Variants in TUSC3 observed in about 807,000 individuals in gnomAD.
TUSC3 encodes dolichyl-diphosphooligosaccharide--protein glycosyltransferase subunit TUSC3.
Under a neutral mutation model 44.8 loss-of-function variants are expected in TUSC3, and 45 were observed. That is an observed-to-expected ratio of 1.00 (90% confidence interval 0.79 to 1.29). TUSC3 has a LOEUF of 1.29. TUSC3 is among the 50% of genes most tolerant of loss of function. The probability of loss-of-function intolerance (pLI) is 0.00; values close to 1 mark genes in which losing one functional copy is unlikely to be tolerated. For missense variants in TUSC3, 519 were observed against 437.9 expected (o/e 1.19, Z -1.65); for synonymous variants, 212 against 152.9 (o/e 1.39, Z -2.85).
chr8:15,847,443 A>T, the TUSC3 span, among the ~76,000 whole-genome samples: 2 of 152,134 alleles, frequency 1.3e-5, no homozygotes. Context: ...ATCCATTTAA[A>T]TAGCTGTCTC....
chr8:15,845,462 A>G, the TUSC3 span, among the ~76,000 whole-genome samples: 2 of 152,148 alleles, frequency 1.3e-5, no homozygotes, highest in Non-Finnish European at 2.9e-5. Flanking sequence ...ACATTAGATT[A>G]TTTCCGTTCC....
At chr8:15,668,787 C>T (rs1310605938) in intron 5 of TUSC3, among the ~76,000 whole-genome samples, 1 of 151,686 alleles carries the variant, frequency 6.6e-6, no homozygotes, top group East Asian at 1.9e-4. Context: ...CACTTTTGTC[C>T]TGAAGCCAGA....
At chr8:15,562,465 A>G (rs999040652) in intron 1 of TUSC3, among the ~76,000 whole-genome samples, 9 of 152,160 alleles carry the variant, frequency 5.9e-5, no homozygotes, top group Admixed American at 5.9e-4. Context: ...TGCATAAAAA[A>G]TTGCCACAAT....
chr8:15,564,525 A>C (rs1802593896), intron 1 of TUSC3, among the ~76,000 whole-genome samples: 1 of 152,164 alleles, frequency 6.6e-6, no homozygotes, highest in Admixed American at 6.5e-5. Flanking sequence ...CACATTTGTC[A>C]ACAGCTTTAG....
the TUSC3 span, among the ~76,000 whole-genome samples, chr8:15,813,932 A>G: frequency 6.6e-6 from 1 of 152,214 alleles, no homozygotes; most frequent in Admixed American, 6.6e-5. Context: ...AGTTTGCGAC[A>G]TTGAGCAAGT....
At chr8:15,586,383 T>C (rs1247863016) in intron 1 of TUSC3, among the ~76,000 whole-genome samples, 2 of 152,234 alleles carry the variant, frequency 1.3e-5, no homozygotes, top group Non-Finnish European at 2.9e-5. Context: ...GAGTTGGTTC[T>C]TGGGTGGGGT....
Position 15,766,461 on chromosome 8 carries a change from C to G in TUSC3, c.*2305C>G, listed in dbSNP as rs946099858. On this transcript the variant is annotated 3_prime_UTR_variant, in exon 11 of 11. Coordinates refer to ENST00000503731, the MANE Select transcript of TUSC3 (RefSeq NM_006765.4). Reference sequence around the variant, plus strand: ...TTTTAACCAGATTCACTGTGCGTTCCAAACTGTCATAAAAATTGATTATAT... The same window carrying G: ...TTTTAACCAGATTCACTGTGCGTTCGAAACTGTCATAAAAATTGATTATAT... 6.6e-6 allele frequency: 1 copy of G among 152,058 alleles called. No individual in the cohort carries two copies. The allele number at this position is 152,058 out of a possible 1,614,324, so 9.4% of individuals were successfully genotyped here. A position where few individuals can be genotyped will look rare whatever the true frequency, so the allele number is the denominator to read the frequency against.
At chr8:15,708,842 T>TG (rs750473321) in intron 6 of TUSC3, among the ~76,000 whole-genome samples, 2 of 151,886 alleles carry the variant, frequency 1.3e-5, no homozygotes, top group Non-Finnish European at 2.9e-5. Flanking sequence ...TGTGTAAACT[T>TG]GATGATTCTG....
At chr8:15,525,444 C>T (rs1365388866) in intron 2 of TUSC3, among the ~76,000 whole-genome samples, 1 of 152,152 alleles carries the variant, frequency 6.6e-6, no homozygotes, top group Non-Finnish European at 1.5e-5. Context: ...TTATGTTAAG[C>T]AATAGTCCTA....
intron 1 of TUSC3, among the ~76,000 whole-genome samples, chr8:15,614,348 G>GC: frequency 6.6e-6 from 1 of 152,172 alleles, no homozygotes. Context: ...ATGATTAAAT[G>GC]ACTTTCAGTA....
At chr8:15,730,340 TTTGCTA>T in intron 6 of TUSC3, among the ~76,000 whole-genome samples, 1 of 152,288 alleles carries the variant, frequency 6.6e-6, no homozygotes, top group South Asian at 2.1e-4. Flanking sequence ...ATAAAAATGT[TTTGCTA>T]TATTTTGTAC....
At chr8:15,505,815 TG>T (rs1801044721) in intron 2 of TUSC3, among the ~76,000 whole-genome samples, 1 of 152,206 alleles carries the variant, frequency 6.6e-6, no homozygotes. Context: ...AGTGAATACA[TG>T]AAAAAATTCA....
At chr8:15,605,604 A>G (rs1804487183) in intron 1 of TUSC3, among the ~76,000 whole-genome samples, 1 of 151,940 alleles carries the variant, frequency 6.6e-6, no homozygotes, top group Admixed American at 6.6e-5. Context: ...TTGCCTTACA[A>G]ATACCAAAAA....
chr8:15,594,891 C>T (rs567376740), intron 1 of TUSC3, among the ~76,000 whole-genome samples: 6 of 152,104 alleles, frequency 3.9e-5, no homozygotes, highest in South Asian at 4.2e-4. Context: ...CCACGGCTCA[C>T]GGAAACTTCA....
At chr8:15,844,211 G>A in the TUSC3 span, among the ~76,000 whole-genome samples, 1 of 152,100 alleles carries the variant, frequency 6.6e-6, no homozygotes, top group East Asian at 1.9e-4. Context: ...AAGTTTTTCT[G>A]TGATTGTTTG....
the TUSC3 span, among the ~76,000 whole-genome samples, chr8:15,779,232 G>A: frequency 2.0e-5 from 3 of 151,692 alleles, no homozygotes; most frequent in Non-Finnish European, 4.4e-5. Flanking sequence ...GGGAAACCAG[G>A]ACCTTGGATA....
At chr8:15,520,513 C>T (rs1321828778) in intron 2 of TUSC3, among the ~76,000 whole-genome samples, 2 of 152,258 alleles carry the variant, frequency 1.3e-5, no homozygotes, top group East Asian at 1.9e-4. Context: ...ATCTATATTT[C>T]TATGAAATCA....
intron 1 of TUSC3, among the ~76,000 whole-genome samples, chr8:15,446,532 C>G (rs189881845): frequency 6.6e-6 from 1 of 152,038 alleles, no homozygotes; most frequent in Non-Finnish European, 1.5e-5. Flanking sequence ...TGGAGACCAG[C>G]CCGGCCAACA....
chr8:15,503,773 C>T (rs571702185), intron 2 of TUSC3, among the ~76,000 whole-genome samples: 79 of 152,048 alleles, frequency 5.2e-4, no homozygotes, highest in Non-Finnish European at 7.8e-4. Context: ...GATCCTGAGG[C>T]GGGTGAATCA....
Sources: allele counts gnomAD v4.1 joint callset (sites outside exome capture counted in the v4.1 genomes callset), GRCh38; gene constraint gnomAD v4.1.1; transcripts MANE v1.5; gene names NCBI Gene and HGNC (gene_info 2026-07-23, HGNC 2026-07-21).